PLD3: variants seen among roughly 807,000 people sequenced by gnomAD.
PLD3 encodes the protein phospholipase D family member 3, also known as 5'-3' exonuclease PLD3.
Under a neutral mutation model 58.4 loss-of-function variants are expected in PLD3, and 31 were observed. The ratio of observed to expected loss-of-function variants is 0.53; its 90% CI spans 0.40 to 0.72. PLD3 has a LOEUF of 0.72. PLD3 is among the 30% of genes least tolerant of loss of function. PLD3 has a pLI of 0.00. For synonymous variants in PLD3, 264 were observed against 273.4 expected, an observed-to-expected ratio of 0.97 and a Z score of 0.34; for missense variants, 595 against 659.8, an observed-to-expected ratio of 0.90 and a Z score of 1.08.
At chr19:40,371,363 A>T in intron 8 of PLD3, 1 of 341,738 alleles carries the variant, frequency 2.9e-6, no homozygotes, top group East Asian at 5.4e-5. Context: ...TGCCTGGTGC[A>T]GGCTGGGTAG....
intron 6 of PLD3, among the ~76,000 whole-genome samples, 158 bp downstream of exon 6, chr19:40,368,037 G>A (rs1427932052): frequency 6.6e-6 from 1 of 152,260 alleles, no homozygotes; most frequent in East Asian, 1.9e-4. Context: ...CTGTCGTCAC[G>A]TGGCTCTCTG....
At chr19:40,365,558 G>C (rs1209934929) in intron 1 of PLD3, 160 bp from the exon 2 acceptor site, 1 of 152,214 alleles carries the variant, frequency 6.6e-6, no homozygotes, top group Admixed American at 6.5e-5. Flanking sequence ...ACTAGGTAAT[G>C]CATGTCCATG....
At chr19:40,376,498 C>T in intron 10 of PLD3, 111 bp from the exon 11 acceptor site, 3 of 1,022,408 alleles carry the variant, frequency 2.9e-6, no homozygotes, top group Middle Eastern at 3.3e-4. Context: ...TGAGGAAGTC[C>T]TCTCAATAGC....
At chr19:40,371,952 G>T in intron 9 of PLD3, 79 bp downstream of exon 9, 1 of 1,195,288 alleles carries the variant, frequency 8.4e-7, no homozygotes. Flanking sequence ...CCTGTTTGGT[G>T]ATGACAGGGA....
At chr19:40,353,713 G>A (rs112065186) in intron 1 of PLD3, among the ~76,000 whole-genome samples, 56,395 of 151,024 alleles carry the variant, frequency 0.37, 12,064 homozygotes, top group South Asian at 0.61. Flanking sequence ...CGAGTAGCTG[G>A]GACTACAGGT....
At position 40,367,860 on chromosome 19, in the gene PLD3, A is replaced by G. The variant is rs922440021; in HGVS notation, c.410A>G (p.Gln137Arg). 1.7e-5 allele frequency: 27 copies of G among 1,556,762 alleles called. No individual in the cohort carries two copies. The highest frequency in any genetic ancestry group is 1.2e-4 in the East Asian group (5 of 41,732). The change falls in exon 6 of 13, where the codon CAG becomes CGG. Residue 137 changes from glutamine (Q) to arginine (R), a missense_variant. Physicochemically the swap from Gln to Arg is conservative, Grantham distance 43. Coordinates refer to ENST00000409735, the MANE Select transcript of PLD3 (RefSeq NM_012268.4). The part of the protein sequence containing the change: ...WTLTNNDTHT[Q>R]EPSAQQGEEV... ...CTCACCAACAATGACACCCACACGC[A>G]GGAGCCCTCTGCCCAGCAGGTACCT...
chr19:40,378,392 G>A lies in PLD3; in HGVS notation c.*219G>A. On this transcript the variant is annotated 3_prime_UTR_variant, in exon 13 of 13. Coordinates refer to ENST00000409735, the MANE Select transcript of PLD3 (RefSeq NM_012268.4). The stretch of plus-strand genomic sequence containing the variant: ...GGGAGGGATCAGCCCCCAAAGAAAT[G>A]GGGGTGCATGCTGGGCCTGGCCCCC... 3.1e-6 allele frequency: 2 copies of A among 651,912 alleles called. No homozygotes were observed. The highest frequency in any genetic ancestry group is 5.5e-6 in the Non-Finnish European group (2 of 361,944). The allele number at this position is 651,912 out of a possible 1,614,324, so 40.4% of individuals were successfully genotyped here. A position where few individuals can be genotyped will look rare whatever the true frequency, so the allele number is the denominator to read the frequency against.
intron 1 of PLD3, among the ~76,000 whole-genome samples, chr19:40,351,687 GA>G (rs1348036165): frequency 6.6e-6 from 1 of 152,192 alleles, no homozygotes; most frequent in African/African-American, 2.4e-5. Flanking sequence ...TGAGAGAGGA[GA>G]GGGGCAAGAG....
Position 40,366,754 on chromosome 19 carries a change from C to G in PLD3, c.103-19C>G. 6.2e-7 allele frequency: 1 copy of G among 1,613,926 alleles called. No individual in the cohort carries two copies. Among genetic ancestry groups the G allele is most frequent in the Non-Finnish European group, 8.5e-7 (1 of 1,179,906 alleles). On this transcript the variant is annotated intron_variant, in intron 4 of 12. Coordinates refer to ENST00000409735, the MANE Select transcript of PLD3 (RefSeq NM_012268.4). ...GGCTGCCCCCCTCGGGCTGGCTGAC[C>G]ACCTCCTCCTCCCCACAGAAAGCCC...
chr19:40,372,388 G>A (rs1280291258), intron 9 of PLD3, among the ~76,000 whole-genome samples: 7 of 152,018 alleles, frequency 4.6e-5, no homozygotes, highest in Non-Finnish European at 8.8e-5. Context: ...TCACAGCTAC[G>A]CAGGAGGCTG....
Position 40,370,029 on chromosome 19 carries a change from G to A in PLD3, c.550+1G>A, listed in dbSNP as rs1483946770. 6.4e-7 allele frequency: 1 copy of A among 1,564,716 alleles called. No homozygotes were observed. Among genetic ancestry groups the A allele is most frequent in the South Asian group, 1.2e-5 (1 of 85,764 alleles). On this transcript the variant is annotated splice_donor_variant, in intron 7 of 12. Coordinates refer to ENST00000409735, the MANE Select transcript of PLD3 (RefSeq NM_012268.4). LOFTEE classifies it high-confidence loss of function. ...GACCTGCAGGCTCTGCTGCAGAGCG[G>A]TGAGCTGGGGCCCAACTGGGGCTGG...
chr19:40,371,784 A>G lies in PLD3; in HGVS notation c.790A>G (p.Thr264Ala), dbSNP rs1289136553. 2 of 1,614,006 alleles carry G rather than the reference A, an allele frequency of 1.2e-6. No homozygotes were observed. The highest frequency in any genetic ancestry group is 1.7e-6 in the Non-Finnish European group (2 of 1,179,990). ...LGQAGSSIPS[T>A]WPRFYDTRYN... ...CCAGGCAGGCAGCTCCATCCCATCA[A>G]CTTGGCCCCGGTTCTATGACACCCG... The change falls in exon 9 of 13, where the codon ACT becomes GCT. Residue 264 changes from threonine to alanine, a missense_variant. Transcript: ENST00000409735.
At chr19:40,366,707 G>A (rs942328799) in intron 4 of PLD3, 23 bp downstream of exon 4, 23 of 1,613,680 alleles carry the variant, frequency 1.4e-5, no homozygotes, top group Non-Finnish European at 1.9e-5. Context: ...CGCCACCCTC[G>A]CTCTGTCTCA....
At chr19:40,367,977 CAG>C (rs1234136007) in intron 6 of PLD3, 98 bp downstream of exon 6, 7 of 1,031,818 alleles carry the variant, frequency 6.8e-6, no homozygotes, top group African/African-American at 4.8e-5. Flanking sequence ...GCCCAGGAGA[CAG>C]AGGGGTGTGT....
At chr19:40,367,522 A>G in intron 5 of PLD3, 174 bp from the exon 6 acceptor site, 1 of 554,094 alleles carries the variant, frequency 1.8e-6, no homozygotes, top group Non-Finnish European at 3.2e-6. Context: ...TCGAGGCTGC[A>G]GTGAGCTGAG....
rs2079065241 is a variant in PLD3, at chr19:40,371,454, G to A, written c.679-219G>A. On this transcript the variant is annotated intron_variant, in intron 8 of 12. Transcript: ENST00000409735. ...GAAGCTAGCTCAGTGGAGGGTAGAA[G>A]CAACAGCAGATTGCAAACGTTCAGG... The A allele has an allele frequency of 3.1e-5, 18 of 573,226 alleles. No homozygotes were observed. In the South Asian group the frequency reaches 3.8e-4, roughly 12 times the overall value. 35.5% of individuals were successfully genotyped at this position (573,226 alleles called of 1,614,324 possible). A position where few individuals can be genotyped will look rare whatever the true frequency, so the allele number is the denominator to read the frequency against.
At chr19:40,376,354 T>TC in intron 10 of PLD3, 1 of 344,964 alleles carries the variant, frequency 2.9e-6, no homozygotes, top group African/African-American at 2.7e-5. Context: ...AAATTCCACC[T>TC]CAAAAAAAAA....
chr19:40,355,342 C>T (rs1465166542), intron 1 of PLD3, among the ~76,000 whole-genome samples: 6 of 147,744 alleles, frequency 4.1e-5, no homozygotes, highest in Non-Finnish European at 6.0e-5. Flanking sequence ...GACAGAGTTT[C>T]GCTCTTGTTG....
Position 40,367,688 on chromosome 19 carries a change from C to A in PLD3, c.246-8C>A, listed in dbSNP as rs778710334. 21 of 1,593,586 alleles carry A rather than the reference C, an allele frequency of 1.3e-5. No individual in the cohort carries two copies. The South Asian group carries it at 1.9e-4, about 14-fold the overall frequency. On this transcript the variant is annotated splice_polypyrimidine_tract_variant and splice_region_variant and intron_variant, in intron 5 of 12. Coordinates refer to ENST00000409735, the MANE Select transcript of PLD3 (RefSeq NM_012268.4). ...ACCGTATGGCTGATAGCATCCCCCA[C>A]CCCCCAGAGCAGTGCTGGTGGAAAG...
Sources: allele counts gnomAD v4.1 joint callset (sites outside exome capture counted in the v4.1 genomes callset), GRCh38; gene constraint gnomAD v4.1.1; transcripts MANE v1.5; gene names NCBI Gene and HGNC (gene_info 2026-07-23, HGNC 2026-07-21).